The following HDAC4 variants were observed in gnomAD, a reference collection of about 807,000 sequenced individuals.
HDAC4 encodes the protein histone deacetylase 4, also known as histone deacetylase A.
In HDAC4, 16 loss-of-function variants were observed where a neutral mutation model predicts 135.1. The observed-to-expected ratio is 0.12, with a 90% confidence interval of 0.08 to 0.18. The LOEUF is 0.18. Ranked by LOEUF, HDAC4 falls within the 10% of genes least tolerant of loss-of-function variation. The probability of loss-of-function intolerance (pLI) is 1.00; values close to 1 mark genes in which losing one functional copy is unlikely to be tolerated. For missense variants in HDAC4, 1,143 were observed against 1,511.8 expected (o/e 0.76, Z 4.05); for synonymous variants, 685 against 653.4 (o/e 1.05, Z -0.74).
intron 1 of HDAC4, among the ~76,000 whole-genome samples, chr2:239,398,097 G>C (rs187241984): frequency 6.7e-4 from 102 of 152,142 alleles, no homozygotes; most frequent in African/African-American, 2.4e-3. Context: ...CATCAATTCT[G>C]AGCCTCGGAG....
At chr2:239,200,294 C>T (rs1443483206) in intron 3 of HDAC4, among the ~76,000 whole-genome samples, 1 of 152,202 alleles carries the variant, frequency 6.6e-6, no homozygotes, top group Non-Finnish European at 1.5e-5. Context: ...GAGACCCATT[C>T]CAAACGCTGA....
At chr2:239,398,321 T>C (rs143906845) in intron 1 of HDAC4, among the ~76,000 whole-genome samples, 3 of 152,362 alleles carry the variant, frequency 2.0e-5, no homozygotes, top group Non-Finnish European at 4.4e-5. Flanking sequence ...TAAGACAGCA[T>C]AAAGTCGCCT....
rs1191204308 is a variant in HDAC4 at position 239,290,190 on chromosome 2, A to AT, written c.23-53527dup. On this transcript the variant is annotated intron_variant, in intron 2 of 26. Transcript: ENST00000543185. ...ATATATCAACATTTTTACTAAATTT[A>AT]TTTTTTTTCAAATGTGCACTAACAT... Among the ~76,000 whole-genome samples the AT allele has an allele frequency of 5.9e-5, 9 of 152,132 alleles. No homozygotes were observed. In the East Asian group the frequency reaches 1.5e-3, roughly 26 times the overall value.
intron 5 of HDAC4, among the ~76,000 whole-genome samples, chr2:239,175,656 G>A (rs1032963882): frequency 2.6e-5 from 4 of 152,224 alleles, no homozygotes; most frequent in Admixed American, 6.5e-5. Context: ...TCACTGGGCC[G>A]TGGGTCACTC....
chr2:239,133,639 G>A (rs1454584688), intron 11 of HDAC4, among the ~76,000 whole-genome samples: 1 of 152,072 alleles, frequency 6.6e-6, no homozygotes, highest in Admixed American at 6.6e-5. Context: ...GCTAATTTTT[G>A]TATTTTTAGT....
chr2:239,316,185 A>G (rs905963180), intron 2 of HDAC4, among the ~76,000 whole-genome samples: 2 of 152,242 alleles, frequency 1.3e-5, no homozygotes, highest in East Asian at 1.9e-4. Context: ...TCGCTCAGAC[A>G]CTACTGGCGG....
intron 4 of HDAC4, among the ~76,000 whole-genome samples, chr2:239,185,036 G>A (rs1575333211): frequency 6.6e-6 from 1 of 150,582 alleles, no homozygotes; most frequent in East Asian, 2.0e-4. Context: ...TGCCCTATGG[G>A]GGGGGTCCCT....
At chr2:239,145,729 C>T (rs2041712995) in intron 7 of HDAC4, among the ~76,000 whole-genome samples, 1 of 151,888 alleles carries the variant, frequency 6.6e-6, no homozygotes, top group African/African-American at 2.4e-5. Context: ...CTTAAAGAAT[C>T]AGCACTCCTG....
chr2:239,200,664 G>C (rs1422957269), intron 3 of HDAC4, among the ~76,000 whole-genome samples: 1 of 152,190 alleles, frequency 6.6e-6, no homozygotes, highest in Non-Finnish European at 1.5e-5. Context: ...GCTTTCCATT[G>C]AAATCAAAAT....
intron 1 of HDAC4, among the ~76,000 whole-genome samples, chr2:239,395,506 T>G (rs1442851910): frequency 6.6e-6 from 1 of 152,220 alleles, no homozygotes; most frequent in Non-Finnish European, 1.5e-5. Context: ...AAGAGTACTT[T>G]TCTTTCCAAT....
chr2:239,239,835 G>A (rs2048077449), intron 2 of HDAC4, among the ~76,000 whole-genome samples: 1 of 152,214 alleles, frequency 6.6e-6, no homozygotes, highest in Admixed American at 6.5e-5. Flanking sequence ...GCGGAACAGG[G>A]CAGCCATGTG....
At chr2:239,162,320 C>T (rs536039943) in intron 6 of HDAC4, 46 of 456,636 alleles carry the variant, frequency 1.0e-4, no homozygotes, top group Middle Eastern at 9.7e-4. Context: ...CTCCATCCTC[C>T]GCCAGGCCCC....
intron 2 of HDAC4, among the ~76,000 whole-genome samples, chr2:239,258,652 G>A (rs1415387488): frequency 6.6e-6 from 1 of 152,186 alleles, no homozygotes; most frequent in Non-Finnish European, 1.5e-5. Flanking sequence ...TGATCTCAGA[G>A]GGAAGACTGG....
At chr2:239,337,263 G>T (rs1435394199) in intron 2 of HDAC4, among the ~76,000 whole-genome samples, 2 of 152,156 alleles carry the variant, frequency 1.3e-5, no homozygotes, top group Admixed American at 1.3e-4. Flanking sequence ...TCAGATGCAC[G>T]TGAGACTCAG....
At chr2:239,079,836 C>A (rs62189539) in intron 22 of HDAC4, among the ~76,000 whole-genome samples, 14,887 of 136,126 alleles carry the variant, frequency 0.11, 938 homozygotes, top group Non-Finnish European at 0.16. Context: ...GCACACACAG[C>A]GATATACACA....
At chr2:239,059,522 T>G (rs1209261775) in intron 24 of HDAC4, among the ~76,000 whole-genome samples, 1 of 152,168 alleles carries the variant, frequency 6.6e-6, no homozygotes, top group Admixed American at 6.5e-5. Flanking sequence ...CTGGGGACAC[T>G]TAACTCTTGC....
intron 2 of HDAC4, among the ~76,000 whole-genome samples, chr2:239,279,750 G>A (rs4852042): frequency 0.1 from 15,552 of 152,268 alleles, 1,406 homozygotes; most frequent in East Asian, 0.43. Context: ...GGGGGCATGG[G>A]ATGGGGGCGA....
At chr2:239,260,740 C>T (rs1488414995) in intron 2 of HDAC4, among the ~76,000 whole-genome samples, 1 of 152,178 alleles carries the variant, frequency 6.6e-6, no homozygotes, top group African/African-American at 2.4e-5. Flanking sequence ...TCATGCCTGG[C>T]CTCCCCCTGG....
rs575542320 is a variant in HDAC4, at chr2:239,239,798, T to C, written c.23-3134A>G. On this transcript the variant is annotated intron_variant, in intron 2 of 26. Coordinates refer to ENST00000543185, the MANE Select transcript of HDAC4 (RefSeq NM_001378414.1). Reference sequence around the variant, plus strand: ...AGGGAAAGCTGTTCTGAGGCGGCACTGGGTTAATAGGAAGTGCCTGCCTCT... The same window carrying C: ...AGGGAAAGCTGTTCTGAGGCGGCACCGGGTTAATAGGAAGTGCCTGCCTCT... Among the ~76,000 whole-genome samples the C allele has an allele frequency of 2.0e-5, 3 of 152,278 alleles. No individual in the cohort carries two copies. The East Asian group carries it at 5.8e-4, about 29-fold the overall frequency.
Sources: allele counts gnomAD v4.1 joint callset (sites outside exome capture counted in the v4.1 genomes callset), GRCh38; gene constraint gnomAD v4.1.1; transcripts MANE v1.5; gene names NCBI Gene and HGNC (gene_info 2026-07-23, HGNC 2026-07-21).